The following DCDC1 variants were observed in gnomAD, a reference collection of about 807,000 sequenced individuals.
The protein encoded by DCDC1 is doublecortin domain containing 1, also known as doublecortin domain-containing protein 1.
In DCDC1, 200 loss-of-function variants were observed where a neutral mutation model predicts 178.3. That is an observed-to-expected ratio of 1.12 (90% confidence interval 1.00 to 1.26). DCDC1 has a LOEUF of 1.26. Ranked by LOEUF, DCDC1 falls within the 50% of genes most tolerant of loss-of-function variation. The probability of loss-of-function intolerance (pLI) is 0.00; values close to 1 mark genes in which losing one functional copy is unlikely to be tolerated. For synonymous variants in DCDC1, 690 were observed against 604.8 expected (o/e 1.14, Z -2.07); for missense variants, 1,983 against 1,749.2 (o/e 1.13, Z -2.38).
chr11:31,292,847 GA>G (rs11340351), intron 6 of DCDC1, among the ~76,000 whole-genome samples: 101,156 of 150,554 alleles, frequency 0.67, 34,456 homozygotes, highest in African/African-American at 0.79. Flanking sequence ...ATTTCTCTGG[GA>G]AAAAAAAAAA....
chr11:31,002,227 T>C (rs1177193769), intron 20 of DCDC1, among the ~76,000 whole-genome samples: 1 of 152,226 alleles, frequency 6.6e-6, no homozygotes, highest in African/African-American at 2.4e-5. Flanking sequence ...AATGTTTTTA[T>C]CCAATGCAGA....
intron 7 of DCDC1, among the ~76,000 whole-genome samples, chr11:31,267,152 A>G (rs896088411): frequency 6.6e-6 from 1 of 152,112 alleles, no homozygotes; most frequent in Admixed American, 6.5e-5. Context: ...CTCACAATCA[A>G]GAATGCATAC....
In DCDC1 at chr11:30,917,759, G is replaced by A. The variant is rs567528868; in HGVS notation, c.3294-731C>T. ...TGACTGAGGAAGGATAAATATACAG[G>A]CAAAGCAGCAAGCCTATTTCAGCAC... is the stretch of plus-strand genomic sequence containing the variant. On this transcript the variant is annotated intron_variant, in intron 25 of 38. Coordinates refer to ENST00000684477, the MANE Select transcript of DCDC1 (RefSeq NM_001387274.1). Among the ~76,000 whole-genome samples the A allele has an allele frequency of 4.6e-5, 7 of 152,266 alleles. No individual in the cohort carries two copies. In the East Asian group the frequency reaches 1.4e-3, roughly 29 times the overall value.
chr11:31,053,393 C>G (rs569347561), intron 20 of DCDC1, among the ~76,000 whole-genome samples: 16 of 152,154 alleles, frequency 1.1e-4, no homozygotes, highest in African/African-American at 3.4e-4. Flanking sequence ...CAGAATTCCA[C>G]CAGACATTCA....
intron 17 of DCDC1, among the ~76,000 whole-genome samples, chr11:31,084,155 G>A (rs1433868177): frequency 6.6e-6 from 1 of 152,034 alleles, no homozygotes; most frequent in Non-Finnish European, 1.5e-5. Flanking sequence ...CACCAAATGA[G>A]ACATAATTGA....
At chr11:31,231,949 A>G (rs1565473093) in intron 9 of DCDC1, among the ~76,000 whole-genome samples, 1 of 152,220 alleles carries the variant, frequency 6.6e-6, no homozygotes, top group Non-Finnish European at 1.5e-5. Flanking sequence ...AGTAAACTCT[A>G]GCATATGCTT....
chr11:30,908,821 C>T, intron 29 of DCDC1, 125 bp downstream of exon 29: 1 of 756,030 alleles, frequency 1.3e-6, no homozygotes, highest in Non-Finnish European at 1.9e-6. Flanking sequence ...AGTGATTTCA[C>T]TCAAAAATCA....
intron 9 of DCDC1, among the ~76,000 whole-genome samples, chr11:31,209,824 G>A (rs1972286735): frequency 6.6e-6 from 1 of 152,280 alleles, no homozygotes; most frequent in East Asian, 1.9e-4. Context: ...CTTCAAGCAA[G>A]GATAAAGGAA....
intron 36 of DCDC1, among the ~76,000 whole-genome samples, chr11:30,892,221 T>C (rs1052653291): frequency 2.6e-5 from 4 of 152,136 alleles, no homozygotes; most frequent in African/African-American, 9.7e-5. Context: ...AAACCAAAAA[T>C]GAACTGTTAA....
chr11:31,084,616 C>T (rs1309795584), intron 17 of DCDC1, among the ~76,000 whole-genome samples: 2 of 152,100 alleles, frequency 1.3e-5, no homozygotes, highest in Non-Finnish European at 2.9e-5. Context: ...GAGGGAGGAT[C>T]CCTACACAAT....
chr11:30,878,578 T>A lies in DCDC1; in HGVS notation c.*6A>T. 6.3e-7 allele frequency: 1 copy of A among 1,591,012 alleles called. No homozygotes were observed. The highest frequency in any genetic ancestry group is 1.2e-5 in the South Asian group (1 of 86,856). On this transcript the variant is annotated 3_prime_UTR_variant, in exon 38 of 39. Transcript: ENST00000684477. ...ACAGCAGAAAATCCGATGGTTCTGA[T>A]AGGAGTTAATTGTGGAGATGTGCCA... is the stretch of plus-strand genomic sequence containing the variant.
At chr11:30,925,231 GA>G in intron 23 of DCDC1, 77 bp downstream of exon 23, 1 of 1,232,744 alleles carries the variant, frequency 8.1e-7, no homozygotes, top group Non-Finnish European at 1.2e-6. Flanking sequence ...AGCATTTGAA[GA>G]CTTATATTTA....
At chr11:31,026,516 T>G (rs910220892) in intron 20 of DCDC1, among the ~76,000 whole-genome samples, 1 of 151,832 alleles carries the variant, frequency 6.6e-6, no homozygotes, top group African/African-American at 2.4e-5. Flanking sequence ...TGAGAGAACC[T>G]GAAATTAATT....
chr11:31,267,228 T>C (rs1945222183), intron 7 of DCDC1, among the ~76,000 whole-genome samples: 1 of 151,794 alleles, frequency 6.6e-6, no homozygotes, highest in African/African-American at 2.4e-5. Flanking sequence ...GTCACTCTGG[T>C]CGCCCAGGCT....
chr11:31,293,201 T>C (rs1947357584), intron 6 of DCDC1, among the ~76,000 whole-genome samples: 1 of 151,946 alleles, frequency 6.6e-6, no homozygotes, highest in South Asian at 2.1e-4. Flanking sequence ...AGCATTGGAG[T>C]ATATTAATTG....
At chr11:31,032,570 T>C (rs1953723093) in intron 20 of DCDC1, among the ~76,000 whole-genome samples, 2 of 150,792 alleles carry the variant, frequency 1.3e-5, no homozygotes, top group South Asian at 2.1e-4. Context: ...AAAAAAAAAT[T>C]GTAGGGAAAA....
intron 20 of DCDC1, among the ~76,000 whole-genome samples, chr11:31,042,005 C>T (rs2135354059): frequency 6.6e-6 from 1 of 152,320 alleles, no homozygotes; most frequent in East Asian, 1.9e-4. Context: ...ACACAAGCTG[C>T]ATTCCAGTAA....
intron 34 of DCDC1, among the ~76,000 whole-genome samples, chr11:30,896,633 A>G (rs1944236103): frequency 6.6e-6 from 1 of 152,208 alleles, no homozygotes; most frequent in Non-Finnish European, 1.5e-5. Flanking sequence ...CTTTACATGT[A>G]ACACTGATCA....
In DCDC1 at chr11:31,306,058, AT is replaced by A. The variant is rs528146387; in HGVS notation, c.591+173del. On this transcript the variant is annotated intron_variant, in intron 5 of 38. Coordinates refer to ENST00000684477, the MANE Select transcript of DCDC1 (RefSeq NM_001387274.1). ...TTTAAATACACTGTTTATATATTGA[AT>A]TTTTTTAAAAAAGGAGAGGAGTGAA... 2.6e-5 allele frequency among the ~76,000 whole-genome samples: 4 copies of A among 152,148 alleles called. No homozygotes were observed. In the South Asian group the frequency reaches 6.2e-4, roughly 24 times the overall value.
Sources: allele counts gnomAD v4.1 joint callset (sites outside exome capture counted in the v4.1 genomes callset), GRCh38; gene constraint gnomAD v4.1.1; transcripts MANE v1.5; gene names NCBI Gene and HGNC (gene_info 2026-07-23, HGNC 2026-07-21).